Variants in ACTR2 observed in about 807,000 individuals in gnomAD.
ACTR2 encodes actin-related protein 2.
A neutral mutation model predicts 50.2 loss-of-function variants in ACTR2; 5 were observed. The ratio of observed to expected loss-of-function variants is 0.10; its 90% confidence interval spans 0.05 to 0.21. ACTR2 has a LOEUF of 0.21. Among genes scored for constraint, ACTR2 ranks in the 10% least tolerant of loss-of-function variants. ACTR2 has a pLI of 1.00. For synonymous variants in ACTR2, 140 were observed against 162.9 expected, an observed-to-expected ratio of 0.86 and a Z score of 1.07; for missense variants, 180 against 480.6, an observed-to-expected ratio of 0.37 and a Z score of 5.85.
intron 4 of ACTR2, among the ~76,000 whole-genome samples, chr2:65,252,108 G>C (rs1672063475): frequency 6.6e-6 from 1 of 152,142 alleles, no homozygotes; most frequent in South Asian, 2.1e-4. Context: ...TGACCTGATG[G>C]AAGTGGTAGA....
Position 65,258,192 on chromosome 2 carries a change from A to G in ACTR2, c.735+2498A>G, listed in dbSNP as rs147531040. Among the ~76,000 whole-genome samples, 655 of 152,300 alleles carry G rather than the reference A, an allele frequency of 4.3e-3. 4 individuals are homozygous for G. The Middle Eastern group carries it at 0.051, about 12-fold the overall frequency. On this transcript the variant is annotated intron_variant, in intron 6 of 8. Transcript: ENST00000260641. The stretch of plus-strand genomic sequence containing the variant: ...TATTTTGGAAGAAAGTGGCTGGCAC[A>G]GGGCAAAAGATAAGCAAACTAGGAA...
In ACTR2 at chr2:65,270,437, C is replaced by A. The variant is rs268878; in HGVS notation, c.*1703C>A. The A allele has an allele frequency of 0.85, 130,003 of 152,590 alleles. 55,512 individuals carry two copies. The highest frequency in any genetic ancestry group is 0.89 in the Middle Eastern group (262 of 294). 9.5% of individuals were successfully genotyped at this position (152,590 alleles called of 1,614,324 possible). On this transcript the variant is annotated 3_prime_UTR_variant, in exon 9 of 9. Coordinates refer to ENST00000260641, the MANE Select transcript of ACTR2 (RefSeq NM_005722.4). ...TGCATGCTGGACATGCCTCAGAACC[C>A]TGAATAGCCCGTACTAGATCTTGGG...
intron 1 of ACTR2, among the ~76,000 whole-genome samples, chr2:65,237,159 G>C (rs1671754240): frequency 1.3e-5 from 2 of 152,144 alleles, no homozygotes; most frequent in African/African-American, 4.8e-5. Context: ...GTTAAAGAGG[G>C]TGCAGACTAT....
chr2:65,247,257 A>G (rs1671954869), intron 3 of ACTR2, among the ~76,000 whole-genome samples: 1 of 152,218 alleles, frequency 6.6e-6, no homozygotes, highest in African/African-American at 2.4e-5. Flanking sequence ...ATTATATACT[A>G]TATTCTTAAC....
At chr2:65,235,788 T>C (rs1385710279) in intron 1 of ACTR2, among the ~76,000 whole-genome samples, 1 of 152,118 alleles carries the variant, frequency 6.6e-6, no homozygotes, top group Non-Finnish European at 1.5e-5. Flanking sequence ...AAAAGAATTG[T>C]ATTATACTTT....
chr2:65,240,061 C>T, intron 2 of ACTR2, 99 bp downstream of exon 2: 1 of 786,740 alleles, frequency 1.3e-6, no homozygotes, highest in South Asian at 1.7e-5. Context: ...AATATGTTGC[C>T]ATGAAAAGCA....
At chr2:65,228,335 A>C (rs1429201423) in intron 1 of ACTR2, 1 of 213,342 alleles carries the variant, frequency 4.7e-6, no homozygotes, top group Non-Finnish European at 9.2e-6. Context: ...CCCCAGGGCC[A>C]CCGGTTTGTA....
At chr2:65,237,309 C>T (rs11897957) in intron 1 of ACTR2, among the ~76,000 whole-genome samples, 49,830 of 152,020 alleles carry the variant, frequency 0.33, 9,132 homozygotes, top group African/African-American at 0.48. Flanking sequence ...CACATGATCA[C>T]GGCAGCCTTA....
At chr2:65,240,005 G>A (rs781454576) in intron 2 of ACTR2, 43 bp downstream of exon 2, 3 of 1,325,644 alleles carry the variant, frequency 2.3e-6, no homozygotes, top group Non-Finnish European at 2.2e-6. Flanking sequence ...AGACATGTGA[G>A]GTGTTCTTAT....
intron 1 of ACTR2, among the ~76,000 whole-genome samples, chr2:65,234,869 G>T (rs532348999): frequency 2.6e-5 from 4 of 151,960 alleles, no homozygotes; most frequent in Admixed American, 6.6e-5. Context: ...TAATTTATAC[G>T]CATATAAGTG....
At chr2:65,256,931 A>G (rs1672160788) in intron 6 of ACTR2, among the ~76,000 whole-genome samples, 1 of 151,624 alleles carries the variant, frequency 6.6e-6, no homozygotes, top group Admixed American at 6.6e-5. Flanking sequence ...GTAAACCCCC[A>G]TTTAAAATTT....
intron 5 of ACTR2, among the ~76,000 whole-genome samples, chr2:65,254,844 GAGAATTATAATACTCTCATTTT>G (rs1254747761): frequency 3.9e-5 from 6 of 152,174 alleles, no homozygotes; most frequent in African/African-American, 1.2e-4. Context: ...TTAAATTAAT[GAGAATTATAATACTCTCATTTT>G]AGGCCAAAAT....
In ACTR2 at chr2:65,268,766, T is replaced by C; in HGVS notation, c.*32T>C. Reference sequence around the variant, plus strand: ...AAGCTTGTTCCCGTCATACCCGTAATGCTTTCTTTTTTCCTTTATTGCCAA... The same window carrying C: ...AAGCTTGTTCCCGTCATACCCGTAACGCTTTCTTTTTTCCTTTATTGCCAA... On this transcript the variant is annotated 3_prime_UTR_variant, in exon 9 of 9. Transcript: ENST00000260641. 6.3e-7 allele frequency: 1 copy of C among 1,595,478 alleles called. No homozygotes were observed. Among genetic ancestry groups the C allele is most frequent in the South Asian group, 1.1e-5 (1 of 88,618 alleles).
At chr2:65,242,992 G>T (rs1671870425) in intron 2 of ACTR2, among the ~76,000 whole-genome samples, 1 of 152,114 alleles carries the variant, frequency 6.6e-6, no homozygotes, top group Non-Finnish European at 1.5e-5. Flanking sequence ...TAAGAAAAGG[G>T]TGTGCTTGCT....
In ACTR2 at chr2:65,268,960, GATT is replaced by G; in HGVS notation, c.*227_*229del. On this transcript the variant is annotated 3_prime_UTR_variant, in exon 9 of 9. Coordinates refer to ENST00000260641, the MANE Select transcript of ACTR2 (RefSeq NM_005722.4). ...TCCCTACATAGACTAGAGGGCTAAGGATTCTGTCTGCTGCTTTGTTTCTTCTAA... is the reference window on the plus strand; with the variant it reads ...TCCCTACATAGACTAGAGGGCTAAGGCTGTCTGCTGCTTTGTTTCTTCTAA... The G allele has an allele frequency of 4.4e-6, 2 of 449,514 alleles. No individual in the cohort carries two copies. Among genetic ancestry groups the G allele is most frequent in the South Asian group, 3.0e-5 (1 of 33,342 alleles). 27.8% of individuals were successfully genotyped at this position (449,514 alleles called of 1,614,324 possible).
chr2:65,233,160 A>G (rs1671671921), intron 1 of ACTR2, among the ~76,000 whole-genome samples: 3 of 151,876 alleles, frequency 2.0e-5, no homozygotes, highest in African/African-American at 2.4e-5. Flanking sequence ...ACGCCAGGCT[A>G]ATTTTTGTAT....
intron 3 of ACTR2, among the ~76,000 whole-genome samples, chr2:65,248,437 G>A (rs1671982409): frequency 6.6e-6 from 1 of 152,084 alleles, no homozygotes; most frequent in Admixed American, 6.6e-5. Context: ...TACTGTGGGT[G>A]AAATATGGGG....
intron 3 of ACTR2, among the ~76,000 whole-genome samples, chr2:65,248,633 G>A (rs1269896720): frequency 1.3e-5 from 2 of 152,116 alleles, no homozygotes; most frequent in African/African-American, 2.4e-5. Flanking sequence ...TGTTTTGAAG[G>A]TAGGGCTATA....
In ACTR2 at chr2:65,267,501, G is replaced by A. The variant is rs140744429; in HGVS notation, c.1015-1063G>A. ...ATTTAGAATGACATAGTTACATTGG[G>A]TCTTTTTTGCAGATCGTGATACTGT... On this transcript the variant is annotated intron_variant, in intron 8 of 8. Coordinates refer to ENST00000260641, the MANE Select transcript of ACTR2 (RefSeq NM_005722.4). 6.3e-4 allele frequency among the ~76,000 whole-genome samples: 96 copies of A among 152,224 alleles called. No homozygotes were observed. In the South Asian group the frequency reaches 7.2e-3, roughly 11 times the overall value.
Sources: allele counts gnomAD v4.1 joint callset (sites outside exome capture counted in the v4.1 genomes callset), GRCh38; gene constraint gnomAD v4.1.1; transcripts MANE v1.5; gene names NCBI Gene and HGNC (gene_info 2026-07-23, HGNC 2026-07-21).